NPLOC4: variants seen among roughly 807,000 people sequenced by gnomAD.
NPLOC4 encodes the protein nuclear protein localization protein 4 homolog.
NPLOC4 carries 18 observed loss-of-function variants against 80.6 expected under a neutral mutation model. That is an observed-to-expected ratio of 0.22 (90% CI 0.15 to 0.33). The LOEUF (loss-of-function observed/expected upper bound fraction) is 0.33. Ranked by LOEUF, NPLOC4 falls within the 10% of genes least tolerant of loss-of-function variation. The pLI is 1.00. For missense variants in NPLOC4, 540 were observed against 786.1 expected (o/e 0.69, Z 3.74); for synonymous variants, 313 against 301.5 (o/e 1.04, Z -0.39).
intron 12 of NPLOC4, among the ~76,000 whole-genome samples, chr17:81,585,750 G>C (rs574639913): frequency 1.3e-5 from 2 of 152,132 alleles, no homozygotes; most frequent in African/African-American, 4.8e-5. Context: ...ACTGTGGGAG[G>C]CTGAGGCAGG....
intron 12 of NPLOC4, among the ~76,000 whole-genome samples, chr17:81,584,010 C>T (rs1404418190): frequency 6.6e-6 from 1 of 152,154 alleles, no homozygotes. Context: ...TCCCAGAGTC[C>T]AGCTGTAACT....
intron 11 of NPLOC4, among the ~76,000 whole-genome samples, chr17:81,593,549 T>C (rs1253934556): frequency 6.6e-6 from 1 of 152,004 alleles, no homozygotes; most frequent in African/African-American, 2.4e-5. Context: ...ATGTTACCCA[T>C]GAATTTTATT....
rs2033748722 is a variant in NPLOC4 at position 81,558,969 on chromosome 17, G to A, written c.*290C>T. On this transcript the variant is annotated 3_prime_UTR_variant, in exon 17 of 17. Coordinates refer to ENST00000331134, the MANE Select transcript of NPLOC4 (RefSeq NM_017921.4). ...TTCCAGGTGCCACGTAGAGGCGAGA[G>A]GTCTTTCCAACACGGCGGGGGACTT... 4 of 331,490 alleles carry A rather than the reference G, an allele frequency of 1.2e-5. No homozygotes were observed. Among genetic ancestry groups the A allele is most frequent in the Non-Finnish European group, 2.2e-5 (4 of 181,360 alleles). The allele number at this position is 331,490 out of a possible 1,614,324, so 20.5% of individuals were successfully genotyped here.
intron 1 of NPLOC4, among the ~76,000 whole-genome samples, chr17:81,631,187 TAAAAA>T (rs1240641902): frequency 6.6e-6 from 1 of 151,320 alleles, no homozygotes; most frequent in Non-Finnish European, 1.5e-5. Flanking sequence ...AATTTAAACT[TAAAAA>T]AGAAATTAAA....
At chr17:81,621,135 A>C (rs1222989174) in intron 3 of NPLOC4, among the ~76,000 whole-genome samples, 4 of 149,874 alleles carry the variant, frequency 2.7e-5, no homozygotes, top group Non-Finnish European at 5.9e-5. Flanking sequence ...GAAAGAAAAG[A>C]AAAAAAAAAG....
intron 2 of NPLOC4, among the ~76,000 whole-genome samples, chr17:81,622,483 A>G (rs2035695284): frequency 1.3e-5 from 2 of 152,242 alleles, no homozygotes; most frequent in African/African-American, 2.4e-5. Context: ...GTGGCCAAAA[A>G]AGCAAAGGTC....
chr17:81,606,541 C>G, intron 7 of NPLOC4, 150 bp downstream of exon 7: 1 of 797,126 alleles, frequency 1.3e-6, no homozygotes. Context: ...ATTCAGTGTA[C>G]CACTTCCACA....
intron 7 of NPLOC4, among the ~76,000 whole-genome samples, chr17:81,605,708 G>C (rs1428076427): frequency 1.3e-5 from 2 of 152,082 alleles, no homozygotes; most frequent in African/African-American, 2.4e-5. Flanking sequence ...CGGGACACGG[G>C]GTTATAGGAG....
chr17:81,608,812 T>G lies in NPLOC4; in HGVS notation c.446A>C (p.Glu149Ala). 6.3e-7 allele frequency: 1 copy of G among 1,581,006 alleles called. No individual in the cohort carries two copies. Among genetic ancestry groups the G allele is most frequent in the Non-Finnish European group, 8.6e-7 (1 of 1,162,998 alleles). The change falls in exon 6 of 17, where the codon GAG becomes GCG. Residue 149 changes from glutamate to alanine, a missense_variant. Glu to Ala is a moderately radical substitution (Grantham distance 107). Around this residue, in one of 6 missense-constraint regions of NPLOC4, gnomAD observed 61 missense variants for 156.7 expected, o/e 0.39. Coordinates refer to ENST00000331134, the MANE Select transcript of NPLOC4 (RefSeq NM_017921.4). ...AGGCTCGAGATGGTTTAGATAGTCCTCATCGAATGGCTGCCAAGACACAGA... is the reference window on the plus strand; with the variant it reads ...AGGCTCGAGATGGTTTAGATAGTCCGCATCGAATGGCTGCCAAGACACAGA... ...VHCVPLEPFD[E>A]DYLNHLEPPV...
intron 11 of NPLOC4, among the ~76,000 whole-genome samples, chr17:81,595,366 G>A (rs1427435653): frequency 1.3e-5 from 2 of 149,876 alleles, no homozygotes; most frequent in African/African-American, 4.9e-5. Context: ...CCCAGGAGGC[G>A]GACGTTGCAG....
chr17:81,559,179 C>A lies in NPLOC4; in HGVS notation c.*80G>T. The A allele has an allele frequency of 1.4e-6, 2 of 1,453,926 alleles. No homozygotes were observed. The highest frequency in any genetic ancestry group is 5.0e-5 in the East Asian group (2 of 40,038). 90.1% of individuals were successfully genotyped at this position (1,453,926 alleles called of 1,614,324 possible). A position where few individuals can be genotyped will look rare whatever the true frequency, so the allele number is the denominator to read the frequency against. On this transcript the variant is annotated 3_prime_UTR_variant, in exon 17 of 17. Coordinates refer to ENST00000331134, the MANE Select transcript of NPLOC4 (RefSeq NM_017921.4). Reference sequence around the variant, plus strand: ...AGGGCTGCCCACTATGGGGCAGTTACAGGGAACACACTCAGCAACGCTTCT... The same window carrying A: ...AGGGCTGCCCACTATGGGGCAGTTAAAGGGAACACACTCAGCAACGCTTCT...
Position 81,580,128 on chromosome 17 carries a change from A to G in NPLOC4, c.1282-8040T>C, listed in dbSNP as rs1010737535. Among the ~76,000 whole-genome samples the G allele has an allele frequency of 6.6e-6, 1 of 152,002 alleles. No individual in the cohort carries two copies. Among genetic ancestry groups the G allele is most frequent in the Non-Finnish European group, 1.5e-5 (1 of 67,976 alleles). The stretch of plus-strand genomic sequence containing the variant: ...ATTCCCCCAAGGTGGGGTTCTCCTC[A>G]GCCATCCCCTCCAGGATGGACAACT... On this transcript the variant is annotated intron_variant, in intron 12 of 16. Coordinates refer to ENST00000331134, the MANE Select transcript of NPLOC4 (RefSeq NM_017921.4). This position sits in a 1 kb window ranked among gnomAD's most constrained non-coding sequence, Gnocchi z 4.4.
chr17:81,591,466 A>AACAAACAAACAAACAAAAAAAAAAAAAAC (rs2034741552), intron 11 of NPLOC4, among the ~76,000 whole-genome samples: 2 of 142,404 alleles, frequency 1.4e-5, no homozygotes, highest in African/African-American at 5.3e-5. Flanking sequence ...AAAAAAAAAA[A>AACAAACAAACAAACAAAAAAAAAAAAAAC]AAAAAACCTG....
In NPLOC4 at chr17:81,571,296, C is replaced by T. The variant is rs541056409; in HGVS notation, c.1353+721G>A. ...CTCCCGTCCGCTTTGGACAGAGCTCCGGTGGGGCTGATGCACTGGCTTCTG... is the reference window on the plus strand; with the variant it reads ...CTCCCGTCCGCTTTGGACAGAGCTCTGGTGGGGCTGATGCACTGGCTTCTG... On this transcript the variant is annotated intron_variant, in intron 13 of 16. Coordinates refer to ENST00000331134, the MANE Select transcript of NPLOC4 (RefSeq NM_017921.4). Among the ~76,000 whole-genome samples the T allele has an allele frequency of 7.9e-5, 12 of 152,330 alleles. No individual in the cohort carries two copies. The East Asian group carries it at 1.2e-3, about 15-fold the overall frequency.
chr17:81,592,553 G>C (rs1328558526), intron 11 of NPLOC4, among the ~76,000 whole-genome samples: 2 of 152,088 alleles, frequency 1.3e-5, no homozygotes, highest in African/African-American at 4.8e-5. Context: ...GGTGAAAAAA[G>C]CCCAAGGATG....
chr17:81,571,391 T>C (rs1257222120), intron 13 of NPLOC4, among the ~76,000 whole-genome samples: 1 of 152,166 alleles, frequency 6.6e-6, no homozygotes, highest in African/African-American at 2.4e-5. Flanking sequence ...GACCATAAAA[T>C]GCCTCCAAAA....
chr17:81,565,560 C>T lies in NPLOC4; in HGVS notation c.1614G>A (p.Glu538=), dbSNP rs1166019887. The change falls in exon 16 of 17, where the codon GAG becomes GAA. Residue 538 remains glutamate, a synonymous_variant. Coordinates refer to ENST00000331134, the MANE Select transcript of NPLOC4 (RefSeq NM_017921.4). The stretch of plus-strand genomic sequence containing the variant: ...CAGACCTCTTCCATGTCTGGGCGAG[C>T]TCCTCATTTCTGGTCCGCACGGCCT... ...LLEAVRTRNE[E]LAQTWKRSEQ... The T allele has an allele frequency of 6.4e-7, 1 of 1,555,990 alleles. No homozygotes were observed. The highest frequency in any genetic ancestry group is 8.7e-7 in the Non-Finnish European group (1 of 1,150,570).
rs1172945692 is a variant in NPLOC4 at position 81,590,679 on chromosome 17, A to AC, written c.1121-1576dup. 3.3e-5 allele frequency among the ~76,000 whole-genome samples: 5 copies of AC among 151,944 alleles called. No individual in the cohort carries two copies. The East Asian group carries it at 9.7e-4, about 29-fold the overall frequency. On this transcript the variant is annotated intron_variant, in intron 11 of 16. Coordinates refer to ENST00000331134, the MANE Select transcript of NPLOC4 (RefSeq NM_017921.4). ...TTGTTATAGTTTTGGATGAAAAAAAACCCTCAATACCTCTATTTCAGTTTC... is the reference window on the plus strand; with the variant it reads ...TTGTTATAGTTTTGGATGAAAAAAAACCCCTCAATACCTCTATTTCAGTTTC...
At chr17:81,627,294 A>G (rs1288328975) in intron 2 of NPLOC4, among the ~76,000 whole-genome samples, 1 of 151,834 alleles carries the variant, frequency 6.6e-6, no homozygotes, top group East Asian at 1.9e-4. Context: ...CGGGAGGCTG[A>G]GGCAGGGAAA....
Sources: allele counts gnomAD v4.1 joint callset (sites outside exome capture counted in the v4.1 genomes callset), GRCh38; gene constraint gnomAD v4.1.1; regional missense constraint gnomAD v4.1.1; non-coding constraint Gnocchi (gnomAD v3.1); transcripts MANE v1.5; gene names NCBI Gene and HGNC (gene_info 2026-07-23, HGNC 2026-07-21).